The following TARS3 variants were observed in gnomAD, a reference collection of about 807,000 sequenced individuals.
TARS3 encodes the protein threonyl-tRNA synthetase 3, also known as threonine--tRNA ligase 2, cytoplasmic.
A neutral mutation model predicts 103.5 loss-of-function variants in TARS3; 94 were observed. The ratio of observed to expected loss-of-function variants is 0.91; its 90% CI spans 0.77 to 1.08. The LOEUF is 1.08. TARS3 is among the 50% of genes least tolerant of loss of function. TARS3 has a pLI of 0.00. For synonymous variants in TARS3, 416 were observed against 355.4 expected, an observed-to-expected ratio of 1.17 and a Z score of -1.92; for missense variants, 952 against 995.2, an observed-to-expected ratio of 0.96 and a Z score of 0.58.
intron 10 of TARS3, chr15:101,695,952 C>G (rs1332937826): frequency 6.6e-6 from 1 of 152,162 alleles, no homozygotes; most frequent in Non-Finnish European, 1.5e-5. Flanking sequence ...GCGGTGGTGG[C>G]TCATGCCTAT....
rs74693892 is a variant in TARS3 at position 101,675,196 on chromosome 15, C to T, written c.1788+404G>A. Reference sequence around the variant, plus strand: ...GGCAGGGCACGACAGGACGTGACTACGAAGGGGACTATGCACATCTACATC... The same window carrying T: ...GGCAGGGCACGACAGGACGTGACTATGAAGGGGACTATGCACATCTACATC... On this transcript the variant is annotated intron_variant, in intron 13 of 18. Coordinates refer to ENST00000335968, the MANE Select transcript of TARS3 (RefSeq NM_152334.3). Among the ~76,000 whole-genome samples, 1,241 of 152,208 alleles carry T rather than the reference C, an allele frequency of 8.2e-3. 42 individuals carry two copies. In the East Asian group the frequency reaches 0.12, roughly 15 times the overall value.
chr15:101,654,410 GTAAAT>G lies in TARS3; in HGVS notation c.*167_*171del. 1 of 654,968 alleles carries G rather than the reference GTAAAT, an allele frequency of 1.5e-6. No individual in the cohort carries two copies. Among genetic ancestry groups the G allele is most frequent in the African/African-American group, 1.9e-5 (1 of 53,624 alleles). 40.6% of individuals were successfully genotyped at this position (654,968 alleles called of 1,614,324 possible). A position where few individuals can be genotyped will look rare whatever the true frequency, so the allele number is the denominator to read the frequency against. ...CTCTAAACGTCCCCCGTGGACATGA[GTAAAT>G]TAAACTTCGTGCATGTCAGCTACAC... On this transcript the variant is annotated 3_prime_UTR_variant, in exon 19 of 19. Coordinates refer to ENST00000335968, the MANE Select transcript of TARS3 (RefSeq NM_152334.3).
intron 11 of TARS3, among the ~76,000 whole-genome samples, chr15:101,684,811 C>T (rs1898398848): frequency 6.6e-6 from 1 of 152,216 alleles, no homozygotes; most frequent in Non-Finnish European, 1.5e-5. Context: ...GCTTCCATAT[C>T]CCATTGCCTC....
chr15:101,688,152 T>C (rs1410093522), intron 10 of TARS3, among the ~76,000 whole-genome samples: 1 of 152,194 alleles, frequency 6.6e-6, no homozygotes, highest in Non-Finnish European at 1.5e-5. Flanking sequence ...GTAATATACA[T>C]ATTGTTTTGT....
At chr15:101,716,162 G>A (rs1415939388) in intron 3 of TARS3, among the ~76,000 whole-genome samples, 4 of 152,024 alleles carry the variant, frequency 2.6e-5, no homozygotes, top group African/African-American at 4.8e-5. Flanking sequence ...GAATACAGGC[G>A]CAGGCCACCA....
intron 12 of TARS3, among the ~76,000 whole-genome samples, chr15:101,681,239 C>T (rs1898243501): frequency 6.6e-6 from 1 of 152,086 alleles, no homozygotes; most frequent in Admixed American, 6.6e-5. Flanking sequence ...TTTCAAAGTT[C>T]TTTTGGCTAT....
chr15:101,667,698 G>C (rs763809799), intron 15 of TARS3, among the ~76,000 whole-genome samples: 2 of 152,000 alleles, frequency 1.3e-5, no homozygotes, highest in Non-Finnish European at 2.9e-5. Context: ...AGCCTCCCAA[G>C]TAGCTGGGAT....
At chr15:101,713,406 A>G (rs185291645) in intron 4 of TARS3, among the ~76,000 whole-genome samples, 3 of 152,328 alleles carry the variant, frequency 2.0e-5, no homozygotes, top group African/African-American at 7.2e-5. Context: ...TTTTAAGCAA[A>G]ATGATTAAAT....
rs1030467027 is a variant in TARS3 at position 101,677,262 on chromosome 15, A to G, written c.1651-1525T>C. On this transcript the variant is annotated intron_variant, in intron 12 of 18. Transcript: ENST00000335968. ...TGGTAAACAACTTCCACCCTCACCA[A>G]TGTGGGTGGGCCTCATCCAATCTGT... Among the ~76,000 whole-genome samples the G allele has an allele frequency of 3.9e-5, 6 of 152,308 alleles. 2 individuals are homozygous for G. The highest frequency in any genetic ancestry group is 3.9e-4 in the Admixed American group (6 of 15,298).
In TARS3 at chr15:101,654,974, G is replaced by A. The variant is rs115198962; in HGVS notation, c.2261-244C>T. Among the ~76,000 whole-genome samples the A allele has an allele frequency of 2.7e-3, 413 of 152,300 alleles. 2 individuals are homozygous for A. Among genetic ancestry groups the A allele is most frequent in the African/African-American group, 9.5e-3 (393 of 41,552 alleles). On this transcript the variant is annotated intron_variant, in intron 18 of 18. Coordinates refer to ENST00000335968, the MANE Select transcript of TARS3 (RefSeq NM_152334.3). ...GTCCTGGGGTGCAGATGAGAGGGGG[G>A]AGCTCTTACAGACTCACACTGACTG...
At position 101,716,384 on chromosome 15, in the gene TARS3, C is replaced by T. The variant is rs754514093; in HGVS notation, c.567-1421G>A. Among the ~76,000 whole-genome samples the T allele has an allele frequency of 2.8e-4, 42 of 152,012 alleles. 1 individual carries two copies. Among genetic ancestry groups the T allele is most frequent in the Non-Finnish European group, 1.6e-4 (11 of 68,002 alleles). On this transcript the variant is annotated intron_variant, in intron 3 of 18. Coordinates refer to ENST00000335968, the MANE Select transcript of TARS3 (RefSeq NM_152334.3). ...ACACACAAAATCACCTATAATTCTA[C>T]CACCAAGAAATTACCATTGATGTTT...
At chr15:101,685,420 T>A (rs1898427097) in intron 11 of TARS3, among the ~76,000 whole-genome samples, 2 of 152,144 alleles carry the variant, frequency 1.3e-5, no homozygotes, top group South Asian at 4.1e-4. Context: ...GATATAATGC[T>A]AAGATGCCAC....
Position 101,711,999 on chromosome 15 carries a change from C to T in TARS3, c.693G>A (p.Val231=), listed in dbSNP as rs200919196. ...GAATGTGAGCACTGGAGTGCCAGTA[C>T]ACCTGCATGGCATGGACAAAGAGGC... ...LTFDNEEAQA[V]YWHSSAHILG... The change falls in exon 5 of 19, where the codon GTG becomes GTA. Residue 231 remains valine, a splice_region_variant and synonymous_variant. Coordinates refer to ENST00000335968, the MANE Select transcript of TARS3 (RefSeq NM_152334.3). 7 of 1,611,856 alleles carry T rather than the reference C, an allele frequency of 4.3e-6. No individual in the cohort carries two copies. In the East Asian group the frequency reaches 6.7e-5, roughly 15 times the overall value.
intron 11 of TARS3, among the ~76,000 whole-genome samples, chr15:101,685,395 TATTA>T (rs966081954): frequency 3.3e-5 from 5 of 152,158 alleles, no homozygotes; most frequent in African/African-American, 9.7e-5. Context: ...GAAAATAACC[TATTA>T]ATTAAATTAT....
intron 10 of TARS3, 105 bp from the exon 11 acceptor site, chr15:101,686,167 A>G: frequency 9.6e-7 from 1 of 1,043,444 alleles, no homozygotes; most frequent in Non-Finnish European, 1.4e-6. Flanking sequence ...CATGTCCTAT[A>G]TTAATTCATG....
chr15:101,666,804 C>G (rs980583080), intron 15 of TARS3, among the ~76,000 whole-genome samples: 1 of 152,112 alleles, frequency 6.6e-6, no homozygotes, highest in African/African-American at 2.4e-5. Flanking sequence ...GAAACAAGAT[C>G]AACAGAAATG....
intron 15 of TARS3, among the ~76,000 whole-genome samples, chr15:101,669,495 C>T (rs1051074844): frequency 1.1e-4 from 16 of 152,158 alleles, no homozygotes; most frequent in African/African-American, 3.9e-4. Flanking sequence ...CTAATGTCCT[C>T]GGCCTTCACA....
intron 15 of TARS3, chr15:101,664,257 T>TTC (rs1249696231): frequency 1.3e-5 from 2 of 152,380 alleles, no homozygotes; most frequent in Non-Finnish European, 2.9e-5. Context: ...GCTGATTTGT[T>TTC]TCTCCTCCAC....
chr15:101,705,208 T>C (rs756471745), intron 7 of TARS3, among the ~76,000 whole-genome samples: 3 of 152,236 alleles, frequency 2.0e-5, no homozygotes, highest in Non-Finnish European at 4.4e-5. Flanking sequence ...CCTGCCTTTG[T>C]TTCCCAGTAT....
Sources: gnomAD v4.1 joint callset for allele counts (sites outside exome capture counted in the v4.1 genomes callset) on GRCh38, gnomAD v4.1.1 for gene constraint, MANE v1.5 for transcripts, NCBI Gene and HGNC (gene_info 2026-07-23, HGNC 2026-07-21) for gene names.